MGMT: variants seen among roughly 807,000 people sequenced by gnomAD.
The protein encoded by MGMT is methylated-DNA--protein-cysteine methyltransferase.
A neutral mutation model predicts 15.9 loss-of-function variants in MGMT; 14 were observed. The ratio of observed to expected loss-of-function variants is 0.88; its 90% CI spans 0.58 to 1.37. The LOEUF (loss-of-function observed/expected upper bound fraction) is 1.37, where lower values mean the gene tolerates loss of function less well. MGMT is among the 40% of genes most tolerant of loss of function. MGMT has a pLI of 0.00. For synonymous variants in MGMT, 130 were observed against 118.2 expected (o/e 1.10, Z -0.65); for missense variants, 282 against 268.1 (o/e 1.05, Z -0.36).
At chr10:129,514,104 T>C (rs1376461900) in intron 1 of MGMT, among the ~76,000 whole-genome samples, 1 of 152,252 alleles carries the variant, frequency 6.6e-6, no homozygotes, top group Non-Finnish European at 1.5e-5. Context: ...GAAGAATTCA[T>C]TCTGCTGCAA....
intron 2 of MGMT, among the ~76,000 whole-genome samples, chr10:129,626,496 CAGCCCG>C (rs1228145699): frequency 2.0e-5 from 3 of 152,186 alleles, no homozygotes; most frequent in Admixed American, 2.0e-4. Context: ...GAGCTGGCTC[CAGCCCG>C]AGCCCCGCGG....
At chr10:129,702,752 G>A (rs1848114215) in intron 2 of MGMT, among the ~76,000 whole-genome samples, 1 of 152,240 alleles carries the variant, frequency 6.6e-6, no homozygotes, top group Non-Finnish European at 1.5e-5. Context: ...GCAAGGATGG[G>A]GCGGACCACA....
chr10:129,518,719 A>G (rs572115940), intron 1 of MGMT, among the ~76,000 whole-genome samples: 1 of 149,456 alleles, frequency 6.7e-6, no homozygotes, highest in Non-Finnish European at 1.5e-5. Context: ...TACAGTGTAT[A>G]ATATGGGTAA....
intron 4 of MGMT, among the ~76,000 whole-genome samples, chr10:129,764,012 A>T (rs560312385): frequency 6.6e-6 from 1 of 152,330 alleles, no homozygotes; most frequent in East Asian, 1.9e-4. Context: ...GAGCTGTGTG[A>T]TGTGCCGGAA....
chr10:129,591,828 G>A (rs746859619), intron 2 of MGMT, among the ~76,000 whole-genome samples: 76 of 152,180 alleles, frequency 5.0e-4, no homozygotes, highest in Non-Finnish European at 9.6e-4. Flanking sequence ...CTACTTGGGA[G>A]GCTGAGGCAG....
At chr10:129,613,078 G>C (rs1589893664) in intron 2 of MGMT, among the ~76,000 whole-genome samples, 1 of 152,296 alleles carries the variant, frequency 6.6e-6, no homozygotes, top group East Asian at 1.9e-4. Context: ...GTTCACTCTG[G>C]GATAGGGAAG....
rs66701664 is a variant in MGMT, at chr10:129,524,582, CTTTTTTTTTTT to C, written c.-12-11642_-12-11632del. On this transcript the variant is annotated intron_variant, in intron 1 of 4. Coordinates refer to ENST00000651593, the MANE Select transcript of MGMT (RefSeq NM_002412.5). ...AGTTACTAAGAAGCTTCCAAAAAGA[CTTTTTTTTTTT>C]TTTTTTTTTTTTTTTTGAGACAGAG... is the stretch of plus-strand genomic sequence containing the variant. Among the ~76,000 whole-genome samples, 5 of 68,072 alleles carry C rather than the reference CTTTTTTTTTTT, an allele frequency of 7.3e-5. 1 individual carries two copies. The East Asian group carries it at 2.0e-3, about 27-fold the overall frequency. 44.7% of individuals were successfully genotyped at this position (68,072 alleles called of 152,430 possible).
At chr10:129,629,753 T>C (rs1847189793) in intron 2 of MGMT, among the ~76,000 whole-genome samples, 1 of 152,158 alleles carries the variant, frequency 6.6e-6, no homozygotes, top group Non-Finnish European at 1.5e-5. Context: ...TGTTTCCCCA[T>C]CCATCAAAAC....
chr10:129,690,263 G>A (rs575675597), intron 2 of MGMT, among the ~76,000 whole-genome samples: 20 of 152,258 alleles, frequency 1.3e-4, no homozygotes, highest in African/African-American at 4.6e-4. Flanking sequence ...GAGTACAATA[G>A]GCAAGAGAAT....
At chr10:129,571,015 C>G (rs1286914153) in intron 2 of MGMT, among the ~76,000 whole-genome samples, 1 of 152,150 alleles carries the variant, frequency 6.6e-6, no homozygotes, top group African/African-American at 2.4e-5. Context: ...TAGATAATCT[C>G]TTCGGCTGTG....
intron 2 of MGMT, among the ~76,000 whole-genome samples, chr10:129,705,604 A>T (rs1041127522): frequency 2.0e-5 from 3 of 152,240 alleles, no homozygotes; most frequent in African/African-American, 7.2e-5. Context: ...TTTACCTCAC[A>T]GGAAAAGCGA....
At chr10:129,758,848 A>G (rs779912882) in intron 3 of MGMT, among the ~76,000 whole-genome samples, 7 of 152,192 alleles carry the variant, frequency 4.6e-5, no homozygotes, top group Non-Finnish European at 1.0e-4. Context: ...GCGGGCAGGC[A>G]GGGACTTCTG....
intron 2 of MGMT, among the ~76,000 whole-genome samples, chr10:129,583,747 G>C (rs1386143299): frequency 6.6e-6 from 1 of 152,150 alleles, no homozygotes; most frequent in African/African-American, 2.4e-5. Context: ...TGTCCTCCTC[G>C]TCTCTGTAGT....
In MGMT at chr10:129,576,193, G is replaced by C. The variant is rs572224968; in HGVS notation, c.125+39816G>C. 3.3e-5 allele frequency among the ~76,000 whole-genome samples: 5 copies of C among 152,314 alleles called. No homozygotes were observed. The South Asian group carries it at 1.0e-3, about 32-fold the overall frequency. On this transcript the variant is annotated intron_variant, in intron 2 of 4. Transcript: ENST00000651593. The stretch of plus-strand genomic sequence containing the variant: ...CTCCCTAACTCATTTTATGAGGCCA[G>C]CATCATCCTGATACCAAAGCCTGGT...
At chr10:129,489,594 G>A in intron 1 of MGMT, among the ~76,000 whole-genome samples, 1 of 152,026 alleles carries the variant, frequency 6.6e-6, no homozygotes, top group Non-Finnish European at 1.5e-5. Flanking sequence ...TGCCTCTTCA[G>A]GAATATGCGC....
intron 2 of MGMT, among the ~76,000 whole-genome samples, chr10:129,664,491 A>T (rs146757213): frequency 6.6e-6 from 1 of 152,336 alleles, no homozygotes; most frequent in Non-Finnish European, 1.5e-5. Context: ...ATTATTTCTC[A>T]AACATGCACA....
intron 3 of MGMT, among the ~76,000 whole-genome samples, chr10:129,716,607 A>G (rs907101010): frequency 2.0e-5 from 3 of 152,204 alleles, no homozygotes; most frequent in African/African-American, 4.8e-5. Context: ...TATACTTTTC[A>G]TAGAAAATTC....
intron 2 of MGMT, among the ~76,000 whole-genome samples, chr10:129,558,937 G>A (rs184201353): frequency 6.6e-6 from 1 of 152,250 alleles, no homozygotes; most frequent in East Asian, 1.9e-4. Flanking sequence ...CTCTGGGGGC[G>A]GCGTGTGCTC....
At chr10:129,511,908 T>C (rs574997317) in intron 1 of MGMT, among the ~76,000 whole-genome samples, 5 of 152,334 alleles carry the variant, frequency 3.3e-5, no homozygotes, top group African/African-American at 1.2e-4. Flanking sequence ...GGAATGGCGC[T>C]GTCTCGTGGT....
Sources: allele counts gnomAD v4.1 joint callset (sites outside exome capture counted in the v4.1 genomes callset), GRCh38; gene constraint gnomAD v4.1.1; transcripts MANE v1.5; gene names NCBI Gene and HGNC (gene_info 2026-07-23, HGNC 2026-07-21).